ADGRV1: variants seen among roughly 807,000 people sequenced by gnomAD.
The protein encoded by ADGRV1 is adhesion G protein-coupled receptor V1, also known as G-protein coupled receptor 98.
ADGRV1 carries 359 observed loss-of-function variants against 596.2 expected under a neutral mutation model. That is an observed-to-expected ratio of 0.60 (90% CI 0.55 to 0.66). The LOEUF (loss-of-function observed/expected upper bound fraction) is 0.66. ADGRV1 is among the 30% of genes least tolerant of loss of function. The pLI is 0.00. For synonymous variants in ADGRV1, 2,681 were observed against 2,679.2 expected, an observed-to-expected ratio of 1.00 and a Z score of -0.02; for missense variants, 7,274 against 7,575.6, an observed-to-expected ratio of 0.96 and a Z score of 1.48.
intron 83 of ADGRV1, among the ~76,000 whole-genome samples, chr5:90,887,157 A>G (rs559758361): frequency 3.9e-5 from 6 of 152,200 alleles, no homozygotes; most frequent in East Asian, 1.9e-4. Context: ...TCCGGTCCAT[A>G]TCACCAATCT....
chr5:90,694,018 C>T lies in ADGRV1; in HGVS notation c.7262C>T (p.Pro2421Leu), dbSNP rs1005243907. Reference sequence around the variant, plus strand: ...TCTCCAATTCAAGGGGTGCCTGACCCACTTTGGAGAACTTGGATGAATGTC... The same window carrying T: ...TCTCCAATTCAAGGGGTGCCTGACCTACTTTGGAGAACTTGGATGAATGTC... ...YESPIQGVPD[P>L]LWRTWMNVSA... Residue 2421 changes from proline to leucine, a missense_variant, in exon 33 of 90, where the codon CCA becomes CTA. This residue lies in a region of ADGRV1 where 3,643 missense variants were observed against 3,809.2 expected (regional missense o/e 0.96). Transcript: ENST00000405460. The T allele has an allele frequency of 6.2e-7, 1 of 1,613,592 alleles. No homozygotes were observed. The highest frequency in any genetic ancestry group is 1.3e-5 in the African/African-American group (1 of 74,924).
chr5:90,714,223 T>C (rs1749777723), intron 42 of ADGRV1, among the ~76,000 whole-genome samples: 1 of 152,052 alleles, frequency 6.6e-6, no homozygotes, highest in African/African-American at 2.4e-5. Flanking sequence ...TTATACATTA[T>C]TGTGCATTTT....
intron 87 of ADGRV1, among the ~76,000 whole-genome samples, chr5:91,102,948 A>T (rs1791522737): frequency 1.3e-5 from 2 of 152,242 alleles, no homozygotes; most frequent in African/African-American, 4.8e-5. Flanking sequence ...GATATTAACA[A>T]ATGGAACAAA....
intron 85 of ADGRV1, among the ~76,000 whole-genome samples, chr5:91,022,879 AG>A (rs1291308719): frequency 4.6e-5 from 7 of 152,266 alleles, no homozygotes; most frequent in Admixed American, 4.6e-4. Flanking sequence ...TTTAGCCTGC[AG>A]CTTTCTGTGT....
chr5:90,633,095 TG>T (rs1447359664), intron 9 of ADGRV1, among the ~76,000 whole-genome samples: 3 of 152,206 alleles, frequency 2.0e-5, no homozygotes, highest in Admixed American at 2.0e-4. Flanking sequence ...TTGGCAAGCA[TG>T]GGGTTACTAA....
At chr5:90,769,203 C>T (rs1265257484) in intron 59 of ADGRV1, among the ~76,000 whole-genome samples, 1 of 152,086 alleles carries the variant, frequency 6.6e-6, no homozygotes, top group Non-Finnish European at 1.5e-5. Flanking sequence ...GGTACAGCCA[C>T]GTTCAAGAGA....
Position 90,653,275 on chromosome 5 carries a change from T to C in ADGRV1, c.3701T>C (p.Phe1234Ser), listed in dbSNP as rs1212088601. ...TNLQVTVMVP[F>S]NDDPFGVFIL... ...CTCCAGGTGACAGTAATGGTTCCATTCAATGATGATCCCTTTGGAGTTTTT... is the reference window on the plus strand; with the variant it reads ...CTCCAGGTGACAGTAATGGTTCCATCCAATGATGATCCCTTTGGAGTTTTT... Residue 1234 changes from phenylalanine to serine, a missense_variant, in exon 20 of 90, where the codon TTC (phenylalanine) becomes TCC (serine). Phe to Ser is a radical substitution (Grantham distance 155). Transcript: ENST00000405460. 1 of 1,613,822 alleles carries C rather than the reference T, an allele frequency of 6.2e-7. No individual in the cohort carries two copies. The highest frequency in any genetic ancestry group is 8.5e-7 in the Non-Finnish European group (1 of 1,179,862).
chr5:90,742,956 G>A (rs1754147258), intron 50 of ADGRV1, among the ~76,000 whole-genome samples: 2 of 152,150 alleles, frequency 1.3e-5, no homozygotes, highest in South Asian at 2.1e-4. Flanking sequence ...GCTTTTAGGG[G>A]CAGAGAAAAT....
chr5:90,870,854 A>G (rs1184900638), intron 83 of ADGRV1, among the ~76,000 whole-genome samples: 1 of 152,186 alleles, frequency 6.6e-6, no homozygotes, highest in Non-Finnish European at 1.5e-5. Flanking sequence ...AGTTTGTTGA[A>G]AGGGTAATAG....
At position 90,685,944 on chromosome 5, in the gene ADGRV1, T is replaced by C; in HGVS notation, c.6439T>C (p.Phe2147Leu). The change falls in exon 29 of 90, where the codon TTT becomes CTT. Residue 2147 changes from phenylalanine (F) to leucine (L), a missense_variant. Transcript: ENST00000405460. ...CAATGTGACTAGAACAGGAGGAGCATTTGCAGATGTCTCTGTGAAGTTTAA... is the reference window on the plus strand; with the variant it reads ...CAATGTGACTAGAACAGGAGGAGCACTTGCAGATGTCTCTGTGAAGTTTAA... ...IINVTRTGGA[F>L]ADVSVKFKAV... 1 of 1,606,250 alleles carries C rather than the reference T, an allele frequency of 6.2e-7. No individual in the cohort carries two copies.
chr5:90,858,653 G>A (rs983707952), intron 82 of ADGRV1, among the ~76,000 whole-genome samples: 1 of 151,946 alleles, frequency 6.6e-6, no homozygotes, highest in Admixed American at 6.6e-5. Context: ...TGGCCAATAT[G>A]GACATATTAT....
At chr5:90,793,175 G>A (rs571388969) in intron 70 of ADGRV1, 2 of 152,216 alleles carry the variant, frequency 1.3e-5, no homozygotes, top group African/African-American at 2.4e-5. Context: ...TCCTGTATCC[G>A]ACAGCTCTCA....
intron 73 of ADGRV1, among the ~76,000 whole-genome samples, chr5:90,808,516 T>A (rs565052005): frequency 1.3e-5 from 2 of 152,358 alleles, no homozygotes; most frequent in East Asian, 3.9e-4. Context: ...ATTATACATA[T>A]GCCATTTTTA....
intron 86 of ADGRV1, among the ~76,000 whole-genome samples, chr5:91,084,045 C>G (rs753631375): frequency 6.6e-6 from 1 of 152,152 alleles, no homozygotes; most frequent in Non-Finnish European, 1.5e-5. Context: ...ATGATCTTCT[C>G]TCTTCCCAGG....
rs1166292525 is a variant in ADGRV1 at position 90,674,054 on chromosome 5, G to C, written c.4930G>C (p.Val1644Leu). The C allele has an allele frequency of 2.5e-6, 4 of 1,600,718 alleles. No individual in the cohort carries two copies. The Admixed American group carries it at 6.7e-5, about 27-fold the overall frequency. Reference protein sequence around the residue: ...ITFLPWQRSEVLNIYVLDDDI... With the variant: ...ITFLPWQRSELLNIYVLDDDI... ...TGCCTCTGGATATTTATATTTTTAG[G>C]TTCTGAATATATATGTTCTTGATGA... Residue 1644 changes from valine (V) to leucine (L), a missense_variant and splice_region_variant, in exon 23 of 90, where the codon GTT becomes CTT. Coordinates refer to ENST00000405460, the MANE Select transcript of ADGRV1 (RefSeq NM_032119.4).
intron 86 of ADGRV1, among the ~76,000 whole-genome samples, chr5:91,081,556 G>A (rs1429157628): frequency 1.3e-5 from 2 of 152,098 alleles, no homozygotes; most frequent in East Asian, 3.9e-4. Flanking sequence ...GGCCGAGGCA[G>A]GTGAATCATC....
chr5:90,605,601 T>C (rs999570276), intron 1 of ADGRV1, among the ~76,000 whole-genome samples: 1 of 152,180 alleles, frequency 6.6e-6, no homozygotes, highest in Non-Finnish European at 1.5e-5. Flanking sequence ...TGTGATATCA[T>C]GGTTACTTTT....
chr5:90,917,024 A>G (rs59167728), intron 83 of ADGRV1, among the ~76,000 whole-genome samples: 2,123 of 152,316 alleles, frequency 0.014, 57 homozygotes, highest in African/African-American at 0.049. Context: ...AGTAGAAAAC[A>G]ATGGTGCAGT....
intron 2 of ADGRV1, among the ~76,000 whole-genome samples, chr5:90,616,078 T>A (rs1001292951): frequency 3.9e-5 from 6 of 152,064 alleles, no homozygotes; most frequent in African/African-American, 1.4e-4. Context: ...TTCTTAAAGC[T>A]TGTGTCATTT....
Sources: allele counts gnomAD v4.1 joint callset (sites outside exome capture counted in the v4.1 genomes callset), GRCh38; gene constraint gnomAD v4.1.1; regional missense constraint gnomAD v4.1.1; transcripts MANE v1.5; gene names NCBI Gene and HGNC (gene_info 2026-07-23, HGNC 2026-07-21).